SLC25A17: variants seen among roughly 807,000 people sequenced by gnomAD.
The protein encoded by SLC25A17 is solute carrier family 25 member 17.
A neutral mutation model predicts 38.5 loss-of-function variants in SLC25A17; 26 were observed. The observed-to-expected ratio is 0.68, with a 90% confidence interval of 0.50 to 0.94. The LOEUF (loss-of-function observed/expected upper bound fraction) is 0.94. Among genes scored for constraint, SLC25A17 ranks in the 40% least tolerant of loss-of-function variants. The probability of loss-of-function intolerance (pLI) is 0.00; values close to 1 mark genes in which losing one functional copy is unlikely to be tolerated. For missense variants in SLC25A17, 333 were observed against 372.7 expected (o/e 0.89, Z 0.88); for synonymous variants, 139 against 136.2 (o/e 1.02, Z -0.14).
intron 3 of SLC25A17, 46 bp downstream of exon 3, chr22:40,794,468 C>G: frequency 8.8e-7 from 1 of 1,137,432 alleles, no homozygotes; most frequent in Non-Finnish European, 1.3e-6. Flanking sequence ...GCACAGGAAT[C>G]TCCTAACAAG....
intron 5 of SLC25A17, 139 bp from the exon 6 acceptor site, chr22:40,777,512 A>AAG: frequency 9.9e-7 from 1 of 1,010,918 alleles, no homozygotes; most frequent in Non-Finnish European, 1.4e-6. Flanking sequence ...AGCCGGTTGC[A>AAG]ATGGCTCACG....
chr22:40,777,337 G>T lies in SLC25A17; in HGVS notation c.488C>A (p.Ser163Ter). 6.2e-7 allele frequency: 1 copy of T among 1,614,096 alleles called. No homozygotes were observed. The highest frequency in any genetic ancestry group is 8.5e-7 in the Non-Finnish European group (1 of 1,179,984). ...GGGAAATGTGCCATTCCATAAAGCC[G>T]AGATTCCTTCATCGCGAATGATCTG... ...FHQIIRDEGISALWNGTFPSL... is the reference protein window; with the variant it reads ...FHQIIRDEGI The change falls in exon 6 of 9, where the codon TCG becomes TAG. Residue 163 changes from serine (S) to a stop codon, truncating the protein, a stop_gained. Transcript: ENST00000435456. LOFTEE classifies it high-confidence loss of function.
intron 1 of SLC25A17, among the ~76,000 whole-genome samples, chr22:40,816,005 G>C (rs2057635202): frequency 6.6e-6 from 1 of 152,128 alleles, no homozygotes. Flanking sequence ...TGACCAACAT[G>C]GAGAAACCCC....
intron 5 of SLC25A17, among the ~76,000 whole-genome samples, chr22:40,777,911 A>C (rs1449426459): frequency 6.6e-6 from 1 of 152,200 alleles, no homozygotes; most frequent in Non-Finnish European, 1.5e-5. Flanking sequence ...AATCACAGGC[A>C]ACTGTTCCTG....
Position 40,784,327 on chromosome 22 carries a change from T to C in SLC25A17, c.335-5202A>G, listed in dbSNP as rs1055519769. On this transcript the variant is annotated intron_variant, in intron 4 of 8. Transcript: ENST00000435456. ...AGGCCAGGATCACAATATATTTACT[T>C]ATCCTAAAGTATACAAAAAGTCACT... 5.3e-5 allele frequency among the ~76,000 whole-genome samples: 8 copies of C among 152,160 alleles called. No homozygotes were observed. In the South Asian group the frequency reaches 8.3e-4, roughly 16 times the overall value.
chr22:40,781,651 T>C (rs1329475757), intron 4 of SLC25A17, among the ~76,000 whole-genome samples: 1 of 152,212 alleles, frequency 6.6e-6, no homozygotes, highest in African/African-American at 2.4e-5. Flanking sequence ...CAAAGCTTTT[T>C]ATCTGAGAAG....
chr22:40,794,942 G>A (rs988942694), intron 2 of SLC25A17, among the ~76,000 whole-genome samples: 6 of 151,782 alleles, frequency 4.0e-5, no homozygotes, highest in African/African-American at 7.3e-5. Flanking sequence ...TTTTAGAGAC[G>A]GAGTCTCACT....
Position 40,770,915 on chromosome 22 carries a change from A to T in SLC25A17, c.843T>A (p.Ala281=). The T allele has an allele frequency of 6.2e-7, 1 of 1,613,528 alleles. No homozygotes were observed. Among genetic ancestry groups the T allele is most frequent in the Non-Finnish European group, 8.5e-7 (1 of 1,179,498 alleles). The change falls in exon 9 of 9, where the codon GCT becomes GCA. Residue 281 remains alanine, a synonymous_variant. Coordinates refer to ENST00000435456, the MANE Select transcript of SLC25A17 (RefSeq NM_006358.4). The part of the protein sequence containing the change: ...EAKLLQTVLT[A]ALMFLVYEKL... ...TCTCATAAACAAGGAACATGAGAGC[A>T]GCAGTGAGGACTGTCTGCAGCAGTT...
chr22:40,809,151 G>A (rs2145702603), intron 1 of SLC25A17, among the ~76,000 whole-genome samples: 1 of 151,142 alleles, frequency 6.6e-6, no homozygotes, highest in East Asian at 1.9e-4. Context: ...TTTTAGGTAT[G>A]AGCAACCACA....
intron 4 of SLC25A17, among the ~76,000 whole-genome samples, chr22:40,790,427 G>A (rs2057375886): frequency 6.9e-6 from 1 of 145,462 alleles, no homozygotes; most frequent in South Asian, 2.2e-4. Context: ...TATTATATGT[G>A]TTACTTTAAC....
At chr22:40,803,577 T>C (rs186388880) in intron 1 of SLC25A17, among the ~76,000 whole-genome samples, 74 of 152,332 alleles carry the variant, frequency 4.9e-4, no homozygotes, top group Admixed American at 1.2e-3. Flanking sequence ...GATTCCACAT[T>C]TTTTCTACTG....
At chr22:40,795,944 T>G (rs562348184) in intron 2 of SLC25A17, among the ~76,000 whole-genome samples, 1 of 152,144 alleles carries the variant, frequency 6.6e-6, no homozygotes, top group South Asian at 2.1e-4. Context: ...CCTGCCACCA[T>G]GCCCAGCTAA....
intron 3 of SLC25A17, 111 bp downstream of exon 3, chr22:40,794,403 T>C: frequency 1.6e-6 from 1 of 621,586 alleles, no homozygotes; most frequent in South Asian, 2.3e-5. Flanking sequence ...AATTCCAAAT[T>C]CACAACATTA....
chr22:40,797,009 G>C (rs1049571532), intron 2 of SLC25A17, among the ~76,000 whole-genome samples: 3 of 152,130 alleles, frequency 2.0e-5, no homozygotes, highest in African/African-American at 7.2e-5. Flanking sequence ...AAGTAAAAAA[G>C]GGAGAAAATT....
intron 1 of SLC25A17, among the ~76,000 whole-genome samples, chr22:40,801,157 ATATATATATATG>A (rs1569410191): frequency 1.7e-5 from 2 of 117,356 alleles, no homozygotes; most frequent in African/African-American, 7.3e-5. Context: ...ATATATATAT[ATATATATATATG>A]TAAATGATAA....
intron 5 of SLC25A17, among the ~76,000 whole-genome samples, chr22:40,778,144 C>G (rs1481510153): frequency 6.6e-6 from 1 of 152,178 alleles, no homozygotes; most frequent in Non-Finnish European, 1.5e-5. Context: ...TATTGAAAGG[C>G]AGAAGCTCAA....
At chr22:40,812,801 A>G (rs2057596448) in intron 1 of SLC25A17, among the ~76,000 whole-genome samples, 1 of 152,082 alleles carries the variant, frequency 6.6e-6, no homozygotes, top group South Asian at 2.1e-4. Context: ...CAGGAGATTG[A>G]GGCTGCAGTG....
chr22:40,794,621 A>T (rs2057411578), intron 2 of SLC25A17, 41 bp from the exon 3 acceptor site: 1 of 1,423,888 alleles, frequency 7.0e-7, no homozygotes, highest in African/African-American at 1.5e-5. Flanking sequence ...ATTAATTAAA[A>T]AAAAAATTTT....
chr22:40,814,472 G>T (rs2057614297), intron 1 of SLC25A17, among the ~76,000 whole-genome samples: 1 of 152,000 alleles, frequency 6.6e-6, no homozygotes, highest in South Asian at 2.1e-4. Context: ...GTATTAATTA[G>T]GTATACTATT....
Sources: allele counts gnomAD v4.1 joint callset (sites outside exome capture counted in the v4.1 genomes callset), GRCh38; gene constraint gnomAD v4.1.1; transcripts MANE v1.5; gene names NCBI Gene and HGNC (gene_info 2026-07-23, HGNC 2026-07-21).